FAM227B: variants seen among roughly 807,000 people sequenced by gnomAD.
FAM227B encodes protein FAM227B.
A neutral mutation model predicts 73.8 loss-of-function variants in FAM227B; 88 were observed. That is an observed-to-expected ratio of 1.19 (90% confidence interval 1.00 to 1.42). The LOEUF (loss-of-function observed/expected upper bound fraction) is 1.42, where lower values mean the gene tolerates loss of function less well. Ranked by LOEUF, FAM227B falls within the 40% of genes most tolerant of loss-of-function variation. FAM227B has a pLI of 0.00. For missense variants in FAM227B, 632 were observed against 590.9 expected (o/e 1.07, Z -0.72); for synonymous variants, 210 against 190.5 (o/e 1.10, Z -0.84).
intron 11 of FAM227B, among the ~76,000 whole-genome samples, chr15:49,430,161 G>A (rs1287291057): frequency 2.0e-5 from 3 of 151,886 alleles, no homozygotes; most frequent in Non-Finnish European, 4.4e-5. Context: ...AAATGTACGT[G>A]ATGATAGCTC....
intron 10 of FAM227B, among the ~76,000 whole-genome samples, chr15:49,535,667 A>G (rs886408853): frequency 1.3e-5 from 2 of 151,872 alleles, no homozygotes; most frequent in Admixed American, 6.6e-5. Flanking sequence ...ATCCTTAATA[A>G]GATATTAGCA....
At chr15:49,602,416 T>C (rs892407135) in intron 3 of FAM227B, among the ~76,000 whole-genome samples, 9 of 152,260 alleles carry the variant, frequency 5.9e-5, no homozygotes, top group Non-Finnish European at 1.3e-4. Flanking sequence ...CACCTTTTCA[T>C]ATGACTGTTT....
chr15:49,514,829 C>G (rs2059271557), intron 10 of FAM227B, among the ~76,000 whole-genome samples: 1 of 152,038 alleles, frequency 6.6e-6, no homozygotes, highest in Non-Finnish European at 1.5e-5. Flanking sequence ...GAAATTGTGC[C>G]TAACCTATTG....
Position 49,521,601 on chromosome 15 carries a change from A to G in FAM227B, c.875-13253T>C, listed in dbSNP as rs762881396. On this transcript the variant is annotated intron_variant, in intron 10 of 15. Transcript: ENST00000299338. Reference sequence around the variant, plus strand: ...TGCCTGCTGCCACCTGAGCTTGCACAAAGGGAGGGCTTATCTCCCCTTCCT... The same window carrying G: ...TGCCTGCTGCCACCTGAGCTTGCACGAAGGGAGGGCTTATCTCCCCTTCCT... Among the ~76,000 whole-genome samples, 9 of 152,292 alleles carry G rather than the reference A, an allele frequency of 5.9e-5. No homozygotes were observed. The South Asian group carries it at 1.4e-3, about 25-fold the overall frequency.
intron 9 of FAM227B, among the ~76,000 whole-genome samples, chr15:49,554,897 T>C (rs1189333373): frequency 6.6e-6 from 1 of 152,200 alleles, no homozygotes; most frequent in East Asian, 1.9e-4. Context: ...TATCTTAAAC[T>C]AGAATAGCAA....
chr15:49,555,743 T>C (rs754450879), intron 9 of FAM227B, among the ~76,000 whole-genome samples: 11 of 152,228 alleles, frequency 7.2e-5, no homozygotes, highest in Non-Finnish European at 1.2e-4. Context: ...TTCATTCTTG[T>C]TCATTGTTTT....
Position 49,589,959 on chromosome 15 carries a change from A to G in FAM227B, c.154T>C (p.Cys52Arg). The change falls in exon 4 of 16, where the codon TGC becomes CGC. Residue 52 changes from cysteine (C) to arginine (R), a missense_variant. Transcript: ENST00000299338. ...TCTTCTTTTATTTTTTTCAGAGTGCATGACCATTTATCATCATCTCTAAAA... is the reference window on the plus strand; with the variant it reads ...TCTTCTTTTATTTTTTTCAGAGTGCGTGACCATTTATCATCATCTCTAAAA... ...IHFRDDDKWS[C>R]TLKKIKEDSS... 6.2e-7 allele frequency: 1 copy of G among 1,608,548 alleles called. No homozygotes were observed. The highest frequency in any genetic ancestry group is 8.5e-7 in the Non-Finnish European group (1 of 1,175,116).
intron 10 of FAM227B, among the ~76,000 whole-genome samples, chr15:49,514,257 T>C (rs1476311658): frequency 6.6e-6 from 1 of 152,192 alleles, no homozygotes; most frequent in African/African-American, 2.4e-5. Context: ...TTTGTTTGTG[T>C]CCTCTCTTAT....
intron 11 of FAM227B, among the ~76,000 whole-genome samples, chr15:49,415,532 C>A (rs1441960697): frequency 6.6e-6 from 1 of 151,838 alleles, no homozygotes. Context: ...AAAAAAAAAC[C>A]CAAACTAGTA....
chr15:49,395,833 AAACTC>A (rs1234543182), intron 11 of FAM227B: 1 of 417,204 alleles, frequency 2.4e-6, no homozygotes, highest in Admixed American at 2.9e-5. Flanking sequence ...TTAAAGAGTT[AAACTC>A]AACACATTCA....
intron 11 of FAM227B, among the ~76,000 whole-genome samples, chr15:49,374,612 T>C (rs1208193631): frequency 6.6e-6 from 1 of 152,222 alleles, no homozygotes; most frequent in African/African-American, 2.4e-5. Context: ...TGGAGTGCAG[T>C]GGTGCCATCT....
At chr15:49,439,583 G>T (rs2051437888) in intron 11 of FAM227B, among the ~76,000 whole-genome samples, 1 of 151,718 alleles carries the variant, frequency 6.6e-6, no homozygotes, top group East Asian at 1.9e-4. Context: ...TTAAGTTAAA[G>T]CAACAATAGA....
At chr15:49,329,419 T>C (rs967591820) in intron 15 of FAM227B, 22 of 984,596 alleles carry the variant, frequency 2.2e-5, no homozygotes, top group African/African-American at 3.5e-5. Flanking sequence ...TCCAAAAAAA[T>C]ATCAGAATTA....
intron 11 of FAM227B, chr15:49,486,020 G>C (rs2056377252): frequency 6.6e-6 from 1 of 151,964 alleles, no homozygotes; most frequent in Admixed American, 6.6e-5. Context: ...TTATTACAAG[G>C]ATGAATTTCC....
chr15:49,515,741 G>C (rs2059333789), intron 10 of FAM227B, among the ~76,000 whole-genome samples: 1 of 152,156 alleles, frequency 6.6e-6, no homozygotes, highest in Admixed American at 6.6e-5. Context: ...TATTATTCCA[G>C]AAGTGTTTTG....
intron 10 of FAM227B, among the ~76,000 whole-genome samples, chr15:49,538,961 C>T (rs563303985): frequency 6.6e-6 from 1 of 151,994 alleles, no homozygotes; most frequent in Non-Finnish European, 1.5e-5. Context: ...GGGTCAGTTA[C>T]TAGAAAATTA....
At chr15:49,619,588 C>T (rs1464883743) in intron 1 of FAM227B, among the ~76,000 whole-genome samples, 1 of 152,166 alleles carries the variant, frequency 6.6e-6, no homozygotes, top group Non-Finnish European at 1.5e-5. Context: ...ATTGACAACA[C>T]CACCTGTGAA....
chr15:49,585,751 GTTAATGTGTGCA>G (rs1375333011), intron 5 of FAM227B, among the ~76,000 whole-genome samples: 1 of 152,130 alleles, frequency 6.6e-6, no homozygotes, highest in East Asian at 1.9e-4. Context: ...TAAATGACGA[GTTAATGTGTGCA>G]ACACACCAAC....
At chr15:49,329,161 G>A (rs1175970031) in intron 15 of FAM227B, 2 of 987,288 alleles carry the variant, frequency 2.0e-6, no homozygotes, top group Non-Finnish European at 2.4e-6. Flanking sequence ...CAGGTATGCA[G>A]GTATGTGGGT....
Sources: gnomAD v4.1 joint callset for allele counts (sites outside exome capture counted in the v4.1 genomes callset) on GRCh38, gnomAD v4.1.1 for gene constraint, MANE v1.5 for transcripts, NCBI Gene and HGNC (gene_info 2026-07-23, HGNC 2026-07-21) for gene names.